Variants in PAPPA2 observed in about 807,000 individuals in gnomAD.
The protein encoded by PAPPA2 is pappalysin 2.
Under a neutral mutation model 176.4 loss-of-function variants are expected in PAPPA2, and 86 were observed. The ratio of observed to expected loss-of-function variants is 0.49; its 90% CI spans 0.41 to 0.58. PAPPA2 has a LOEUF of 0.58. Among genes scored for constraint, PAPPA2 ranks in the 20% least tolerant of loss-of-function variants. The pLI is 0.00. For synonymous variants in PAPPA2, 809 were observed against 852.2 expected (o/e 0.95, Z 0.88); for missense variants, 2,073 against 2,256.9 (o/e 0.92, Z 1.65).
chr1:176,532,931 C>T lies in PAPPA2; in HGVS notation c.-916-22476C>T, dbSNP rs527463721. 5.6e-4 allele frequency among the ~76,000 whole-genome samples: 85 copies of T among 152,322 alleles called. 1 individual carries two copies. In the Middle Eastern group the frequency reaches 0.01, roughly 18 times the overall value. ...GCACTAGGCTTCCAGCCCCCCTGCT[C>T]ACTCTAGATTTGCCCATGGCAATCT... On this transcript the variant is annotated intron_variant, in intron 1 of 22. Coordinates refer to ENST00000367662, the MANE Select transcript of PAPPA2 (RefSeq NM_020318.3).
At chr1:176,694,171 C>T (rs551789378) in intron 6 of PAPPA2, among the ~76,000 whole-genome samples, 3 of 152,268 alleles carry the variant, frequency 2.0e-5, no homozygotes, top group East Asian at 3.9e-4. Flanking sequence ...GCCCCAGCTA[C>T]GCACTTAGCA....
intron 10 of PAPPA2, among the ~76,000 whole-genome samples, chr1:176,709,135 A>G (rs377403716): frequency 1.3e-5 from 2 of 152,160 alleles, no homozygotes; most frequent in South Asian, 2.1e-4. Context: ...TGTCCAGTGC[A>G]TACTAGCTGG....
chr1:176,566,565 T>C (rs926382935), intron 2 of PAPPA2, among the ~76,000 whole-genome samples: 1 of 152,096 alleles, frequency 6.6e-6, no homozygotes, highest in Non-Finnish European at 1.5e-5. Context: ...AGGAATGAGA[T>C]GGAAACCCAT....
chr1:176,776,226 G>GT (rs953552198), intron 17 of PAPPA2, among the ~76,000 whole-genome samples: 11 of 152,036 alleles, frequency 7.2e-5, no homozygotes, highest in Admixed American at 7.2e-4. Flanking sequence ...CTCATTATGT[G>GT]TTATCTTTGT....
intron 1 of PAPPA2, among the ~76,000 whole-genome samples, chr1:176,552,104 C>G (rs547744641): frequency 2.0e-5 from 3 of 152,244 alleles, no homozygotes; most frequent in Admixed American, 1.3e-4. Flanking sequence ...CTCCCTTCAC[C>G]TGCCTCTGAG....
chr1:176,759,948 G>C (rs1313569340), intron 14 of PAPPA2, among the ~76,000 whole-genome samples: 1 of 152,180 alleles, frequency 6.6e-6, no homozygotes, highest in East Asian at 1.9e-4. Context: ...TTTCAGTATA[G>C]AATTATCTAA....
intron 12 of PAPPA2, among the ~76,000 whole-genome samples, chr1:176,739,183 T>C (rs537159143): frequency 6.6e-6 from 1 of 152,254 alleles, no homozygotes; most frequent in East Asian, 1.9e-4. Context: ...TAACTAGACA[T>C]GGCAGTTCAG....
chr1:176,790,396 G>C (rs1482440001), intron 18 of PAPPA2, among the ~76,000 whole-genome samples: 1 of 152,102 alleles, frequency 6.6e-6, no homozygotes, highest in Non-Finnish European at 1.5e-5. Context: ...CCCTCCCTAG[G>C]ATTTTGGCAC....
rs1427765574 is a variant in PAPPA2, at chr1:176,595,237, G to A, written c.1633G>A (p.Glu545Lys). The change falls in exon 3 of 23, where the codon GAG (glutamate) becomes AAG (lysine). Residue 545 changes from glutamate (E) to lysine (K), a missense_variant. Physicochemically the swap from Glu to Lys is moderately conservative, Grantham distance 56. This residue lies in a region of PAPPA2 where 1,196 missense variants were observed against 1,330.4 expected (regional missense o/e 0.90). Coordinates refer to ENST00000367662, the MANE Select transcript of PAPPA2 (RefSeq NM_020318.3). ...DEGLNPIVSEEQIRLQHEALN... is the reference protein window; with the variant it reads ...DEGLNPIVSEKQIRLQHEALN... The stretch of plus-strand genomic sequence containing the variant: ...GGGCCTAAACCCCATTGTGAGTGAG[G>A]AGCAGATTCGTCTGCAGCACGAGGC... The A allele has an allele frequency of 2.5e-6, 4 of 1,614,090 alleles. No individual in the cohort carries two copies. The South Asian group carries it at 3.3e-5, about 13-fold the overall frequency.
intron 3 of PAPPA2, among the ~76,000 whole-genome samples, chr1:176,645,972 T>G (rs913643175): frequency 6.6e-6 from 1 of 151,766 alleles, no homozygotes; most frequent in Non-Finnish European, 1.5e-5. Context: ...TTTTTAGTTC[T>G]TTATATTTTG....
intron 2 of PAPPA2, among the ~76,000 whole-genome samples, chr1:176,580,907 A>AT (rs2102628051): frequency 6.6e-6 from 1 of 151,998 alleles, no homozygotes; most frequent in South Asian, 2.1e-4. Context: ...AGTTGCAACT[A>AT]TTTTCTCCCA....
intron 2 of PAPPA2, among the ~76,000 whole-genome samples, chr1:176,578,438 G>C (rs965988481): frequency 1.3e-5 from 2 of 152,154 alleles, no homozygotes; most frequent in South Asian, 2.1e-4. Flanking sequence ...GGAGGGAAAT[G>C]CTCCTTTTCT....
intron 2 of PAPPA2, among the ~76,000 whole-genome samples, chr1:176,561,946 C>A (rs1461630670): frequency 1.3e-5 from 2 of 152,120 alleles, no homozygotes; most frequent in African/African-American, 4.8e-5. Context: ...GCGTGCGCAG[C>A]GGAACTCCCA....
chr1:176,826,520 G>A (rs1227628219), intron 21 of PAPPA2, among the ~76,000 whole-genome samples: 1 of 152,194 alleles, frequency 6.6e-6, no homozygotes, highest in East Asian at 1.9e-4. Context: ...CCAACCAGTT[G>A]GGGGAGAAAG....
intron 3 of PAPPA2, among the ~76,000 whole-genome samples, chr1:176,600,788 A>T (rs1236102006): frequency 6.6e-6 from 1 of 151,996 alleles, no homozygotes; most frequent in Non-Finnish European, 1.5e-5. Context: ...TATTGAGTGG[A>T]GTGCTCCAGG....
intron 1 of PAPPA2, among the ~76,000 whole-genome samples, chr1:176,550,788 G>T (rs1387766645): frequency 1.3e-5 from 2 of 152,144 alleles, no homozygotes; most frequent in African/African-American, 4.8e-5. Context: ...GGCTCAAAAC[G>T]CACAGGGAAG....
chr1:176,530,836 G>T (rs1279710531), intron 1 of PAPPA2, among the ~76,000 whole-genome samples: 3 of 152,090 alleles, frequency 2.0e-5, no homozygotes, highest in Non-Finnish European at 4.4e-5. Flanking sequence ...GGGTTGAATT[G>T]GTATGGAAAA....
chr1:176,678,886 AT>A (rs781775212), intron 4 of PAPPA2, among the ~76,000 whole-genome samples: 34 of 152,200 alleles, frequency 2.2e-4, no homozygotes, highest in Non-Finnish European at 4.0e-4. Flanking sequence ...AACTAAAAAA[AT>A]ATATACAGAA....
At position 176,641,206 on chromosome 1, in the gene PAPPA2, T is replaced by A. The variant is rs867609006; in HGVS notation, c.1992-29764T>A. Among the ~76,000 whole-genome samples, 776 of 152,164 alleles carry A rather than the reference T, an allele frequency of 5.1e-3. 13 individuals are homozygous for A. Among genetic ancestry groups the A allele is most frequent in the African/African-American group, 0.017 (706 of 41,560 alleles). On this transcript the variant is annotated intron_variant, in intron 3 of 22. Coordinates refer to ENST00000367662, the MANE Select transcript of PAPPA2 (RefSeq NM_020318.3). ...GCTCTTTAGTTTAATTAGATCCCAT[T>A]TGTCAATTTTGGCTTTTGTTGCCAT... is the stretch of plus-strand genomic sequence containing the variant.
Sources: gnomAD v4.1 joint callset for allele counts (sites outside exome capture counted in the v4.1 genomes callset) on GRCh38, gnomAD v4.1.1 for gene constraint, gnomAD v4.1.1 regional missense constraint, MANE v1.5 for transcripts, NCBI Gene and HGNC (gene_info 2026-07-23, HGNC 2026-07-21) for gene names.